Variants in SUGCT observed in about 807,000 individuals in gnomAD.
The protein encoded by SUGCT is succinyl-CoA:glutarate-CoA transferase, also known as succinyl-CoA:glutarate CoA-transferase.
A neutral mutation model predicts 55.0 loss-of-function variants in SUGCT; 41 were observed. That is an observed-to-expected ratio of 0.74 (90% CI 0.58 to 0.97). The LOEUF is 0.97. Ranked by LOEUF, SUGCT falls within the 50% of genes least tolerant of loss-of-function variation. The pLI, the probability that SUGCT is intolerant of heterozygous loss-of-function variation, is 0.00. For synonymous variants in SUGCT, 187 were observed against 200.4 expected (o/e 0.93, Z 0.56); for missense variants, 568 against 547.8 (o/e 1.04, Z -0.37).
chr7:40,913,371 T>G, the SUGCT span, among the ~76,000 whole-genome samples: 4 of 152,272 alleles, frequency 2.6e-5, no homozygotes, highest in East Asian at 7.7e-4. Context: ...TTGTACATCT[T>G]AAAACTAAGA....
At position 40,320,410 on chromosome 7, in the gene SUGCT, A is replaced by G. The variant is rs771950514; in HGVS notation, c.816+3555A>G. On this transcript the variant is annotated intron_variant, in intron 9 of 13. Coordinates refer to ENST00000335693, the MANE Select transcript of SUGCT (RefSeq NM_001193313.2). ...CGTGAGCCTGTAATATTTTTAATGC[A>G]TAGATATGTTTCCCAGCCCTTAAAC... Among the ~76,000 whole-genome samples the G allele has an allele frequency of 7.9e-5, 12 of 152,260 alleles. No homozygotes were observed. The South Asian group carries it at 8.3e-4, about 11-fold the overall frequency.
chr7:40,332,169 C>T (rs1360987220), intron 9 of SUGCT, among the ~76,000 whole-genome samples: 1 of 152,162 alleles, frequency 6.6e-6, no homozygotes, highest in Admixed American at 6.5e-5. Flanking sequence ...TGGTTAGCAG[C>T]AGTCTTGGAA....
chr7:40,590,432 A>AATTCACAATTTTAT (rs1797650613), intron 12 of SUGCT, among the ~76,000 whole-genome samples: 1 of 152,226 alleles, frequency 6.6e-6, no homozygotes, highest in Non-Finnish European at 1.5e-5. Flanking sequence ...TATGCCAAAC[A>AATTCACAATTTTAT]GCCAAATTGT....
the SUGCT span, among the ~76,000 whole-genome samples, chr7:40,878,236 C>T: frequency 0.028 from 4,303 of 152,234 alleles, 67 homozygotes; most frequent in Non-Finnish European, 0.038. Flanking sequence ...TCTGAGAATG[C>T]TAATTGAAAG....
intron 9 of SUGCT, among the ~76,000 whole-genome samples, chr7:40,418,944 G>A (rs1247600119): frequency 2.0e-5 from 3 of 152,054 alleles, no homozygotes; most frequent in Non-Finnish European, 2.9e-5. Flanking sequence ...TATTCATCAA[G>A]GTCTTGAAAT....
intron 12 of SUGCT, among the ~76,000 whole-genome samples, chr7:40,693,162 C>T (rs1784771692): frequency 6.6e-6 from 1 of 152,150 alleles, no homozygotes; most frequent in African/African-American, 2.4e-5. Flanking sequence ...TCATTTCCCC[C>T]AGTACATTAT....
At chr7:40,462,870 A>T (rs1272839969) in intron 11 of SUGCT, among the ~76,000 whole-genome samples, 4 of 152,192 alleles carry the variant, frequency 2.6e-5, no homozygotes, top group Admixed American at 6.5e-5. Flanking sequence ...CTAAGAAGTT[A>T]GTTTTCCATA....
intron 12 of SUGCT, among the ~76,000 whole-genome samples, chr7:40,633,796 A>C (rs1799901949): frequency 6.6e-6 from 1 of 152,222 alleles, no homozygotes; most frequent in Admixed American, 6.5e-5. Context: ...GTTTTGCATA[A>C]ATATACATGC....
At chr7:40,325,822 A>G (rs1795998793) in intron 9 of SUGCT, among the ~76,000 whole-genome samples, 1 of 151,998 alleles carries the variant, frequency 6.6e-6, no homozygotes, top group South Asian at 2.1e-4. Flanking sequence ...AACAAAACAA[A>G]CAACAACAAC....
intron 13 of SUGCT, among the ~76,000 whole-genome samples, chr7:40,852,228 C>T (rs1185592422): frequency 6.6e-6 from 1 of 152,156 alleles, no homozygotes; most frequent in East Asian, 1.9e-4. Flanking sequence ...TTCTTTGATC[C>T]TTTTCTTTTT....
chr7:40,854,877 A>G (rs1794089093), intron 13 of SUGCT, among the ~76,000 whole-genome samples: 1 of 152,096 alleles, frequency 6.6e-6, no homozygotes, highest in Admixed American at 6.5e-5. Context: ...TCGAGGCCGC[A>G]GTGAGCTATG....
In SUGCT at chr7:40,685,016, T is replaced by A. The variant is rs1400800526; in HGVS notation, c.1090-64418T>A. Reference sequence around the variant, plus strand: ...TGGATAATTTTTGTGTGTGTTTATTTTTTTATTTTTATTTTTTTTCAGTAG... The same window carrying A: ...TGGATAATTTTTGTGTGTGTTTATTATTTTATTTTTATTTTTTTTCAGTAG... On this transcript the variant is annotated intron_variant, in intron 12 of 13. Transcript: ENST00000335693. 2.0e-5 allele frequency among the ~76,000 whole-genome samples: 3 copies of A among 152,154 alleles called. No individual in the cohort carries two copies. In the East Asian group the frequency reaches 5.8e-4, roughly 29 times the overall value.
chr7:40,972,058 T>TTA, the SUGCT span, among the ~76,000 whole-genome samples: 8 of 152,156 alleles, frequency 5.3e-5, no homozygotes, highest in East Asian at 1.9e-4. Flanking sequence ...TGCAGAAATT[T>TTA]TATATATATA....
chr7:40,300,041 G>C (rs1324738683), intron 8 of SUGCT, among the ~76,000 whole-genome samples: 1 of 152,144 alleles, frequency 6.6e-6, no homozygotes, highest in Non-Finnish European at 1.5e-5. Flanking sequence ...GTGAAAGATG[G>C]AAAATGTCAG....
At position 40,855,919 on chromosome 7, in the gene SUGCT, T is replaced by C. The variant is rs537103499; in HGVS notation, c.1154-4397T>C. 2.0e-5 allele frequency among the ~76,000 whole-genome samples: 3 copies of C among 152,356 alleles called. No individual in the cohort carries two copies. The South Asian group carries it at 6.2e-4, about 32-fold the overall frequency. ...GAAATGGTTGATGCTAGCTAAATGC[T>C]AGCTGCTTGTACTCTACTTTTACAA... On this transcript the variant is annotated intron_variant, in intron 13 of 13. Transcript: ENST00000335693.
In SUGCT at chr7:40,437,077, T is replaced by C. The variant is rs1453130803; in HGVS notation, c.817-12210T>C. Among the ~76,000 whole-genome samples the C allele has an allele frequency of 3.3e-5, 5 of 152,216 alleles. No individual in the cohort carries two copies. In the East Asian group the frequency reaches 5.8e-4, roughly 18 times the overall value. On this transcript the variant is annotated intron_variant, in intron 9 of 13. Transcript: ENST00000335693. ...GTGTCATTTTACCTTGTGCCCAAGA[T>C]ACATGATAACTGCCTTCTTGAATAA...
At chr7:40,669,755 G>A (rs1165938397) in intron 12 of SUGCT, among the ~76,000 whole-genome samples, 2 of 151,836 alleles carry the variant, frequency 1.3e-5, no homozygotes, top group African/African-American at 2.4e-5. Flanking sequence ...CTTAATGGAC[G>A]ACAGATAGAA....
chr7:40,788,300 C>G (rs1486017716), intron 13 of SUGCT, among the ~76,000 whole-genome samples: 2 of 152,146 alleles, frequency 1.3e-5, no homozygotes, highest in Non-Finnish European at 2.9e-5. Context: ...GATCCAGAGT[C>G]TCATAACACT....
chr7:40,327,498 ACAAAGAATAAATGCACTTACAACTGTT>A lies in SUGCT; in HGVS notation c.816+10650_816+10676del, dbSNP rs532518311. ...CATGATGTCCAAGGGTAACTATTGC[ACAAAGAATAAATGCACTTACAACTGTT>A]CAAAGACTATTATGATTTTTTAAAC... is the stretch of plus-strand genomic sequence containing the variant. On this transcript the variant is annotated intron_variant, in intron 9 of 13. Coordinates refer to ENST00000335693, the MANE Select transcript of SUGCT (RefSeq NM_001193313.2). Among the ~76,000 whole-genome samples, 16 of 152,362 alleles carry A rather than the reference ACAAAGAATAAATGCACTTACAACTGTT, an allele frequency of 1.1e-4. No individual in the cohort carries two copies. In the East Asian group the frequency reaches 2.3e-3, roughly 22 times the overall value.
Sources: allele counts gnomAD v4.1 joint callset (sites outside exome capture counted in the v4.1 genomes callset), GRCh38; gene constraint gnomAD v4.1.1; transcripts MANE v1.5; gene names NCBI Gene and HGNC (gene_info 2026-07-23, HGNC 2026-07-21).